ZNF814: variants seen among roughly 807,000 people sequenced by gnomAD.
ZNF814 encodes the protein zinc finger protein 814.
ZNF814 carries 5 observed loss-of-function variants against 7.5 expected under a neutral mutation model. The ratio of observed to expected loss-of-function variants is 0.67; its 90% confidence interval spans 0.35 to 1.40. The LOEUF (loss-of-function observed/expected upper bound fraction) is 1.40. Ranked by LOEUF, ZNF814 falls within the 40% of genes most tolerant of loss-of-function variation. ZNF814 has a pLI of 0.04. For synonymous variants in ZNF814, 315 were observed against 340.7 expected (o/e 0.92, Z 0.83); for missense variants, 962 against 1,018.0 (o/e 0.94, Z 0.75).
chr19:57,897,180 A>G, the ZNF814 span, among the ~76,000 whole-genome samples: 1 of 152,206 alleles, frequency 6.6e-6, no homozygotes, highest in African/African-American at 2.4e-5. Context: ...AGCTTCTTAC[A>G]TATGAAAATG....
intron 2 of ZNF814, 57 bp from the exon 3 acceptor site, chr19:57,875,283 C>A (rs12610589): frequency 0.28 from 445,159 of 1,574,898 alleles, 66,046 homozygotes; most frequent in East Asian, 0.55. Flanking sequence ...AAGGCACAGA[C>A]CACCCACAAG....
rs780816609 is a variant in ZNF814, at chr19:57,874,798, T to C, written c.592A>G (p.Asn198Asp). ...GGAGACACACACTCAGTTTTGCTGT[T>C]TGACTTCTCCCCAGTGTGACTGGCC... Reference protein sequence around the residue: ...QEASHTGEKSNSKTECVSPIQ... With the variant: ...QEASHTGEKSDSKTECVSPIQ... The change falls in exon 3 of 3, where the codon AAC (asparagine) becomes GAC (aspartate). Residue 198 changes from asparagine to aspartate, a missense_variant. Transcript: ENST00000435989. The C allele has an allele frequency of 2.5e-6, 4 of 1,614,000 alleles. No individual in the cohort carries two copies. The Admixed American group carries it at 6.7e-5, about 27-fold the overall frequency.
chr19:57,875,759 T>A (rs1472521969), intron 2 of ZNF814, among the ~76,000 whole-genome samples: 2 of 151,982 alleles, frequency 1.3e-5, no homozygotes, highest in African/African-American at 4.8e-5. Flanking sequence ...TACAAGTGGG[T>A]CAAAAGTTAA....
chr19:57,873,034 T>A lies in ZNF814; in HGVS notation c.2356A>T (p.Ser786Cys), dbSNP rs1295259094. The A allele has an allele frequency of 6.2e-7, 1 of 1,613,736 alleles. No homozygotes were observed. Among genetic ancestry groups the A allele is most frequent in the Admixed American group, 1.7e-5 (1 of 59,972 alleles). The part of the protein sequence containing the change: ...ECGKSFAESS[S>C]FTKHKRVHTG... ...TGAACTCTTTTGTGTTTTGTGAAAC[T>A]GGAGCTTTCAGCGAAAGATTTTCCA... is the stretch of plus-strand genomic sequence containing the variant. The change falls in exon 3 of 3, where the codon AGT becomes TGT. Residue 786 changes from serine (S) to cysteine (C), a missense_variant. Transcript: ENST00000435989.
At chr19:57,882,890 C>T (rs958919480) in intron 1 of ZNF814, among the ~76,000 whole-genome samples, 5 of 152,124 alleles carry the variant, frequency 3.3e-5, no homozygotes, top group Non-Finnish European at 5.9e-5. Flanking sequence ...TCCAGGAAAA[C>T]GTGACCTCAC....
rs1302926774 is a variant in ZNF814, at chr19:57,873,999, A to C, written c.1391T>G (p.Phe464Cys). 1 of 1,611,700 alleles carries C rather than the reference A, an allele frequency of 6.2e-7. No individual in the cohort carries two copies. The highest frequency in any genetic ancestry group is 1.1e-5 in the South Asian group (1 of 90,950). ...AGATTTCACACATTCTCCACACTTG[A>C]AAGGTCTTTCTCCGGCGTGAACTCG... ...HQRVHAGERP[F>C]KCGECVKSFS... The change falls in exon 3 of 3, where the codon TTC becomes TGC. Residue 464 changes from phenylalanine to cysteine, a missense_variant. Transcript: ENST00000435989.
chr19:57,880,079 G>T (rs959923071), intron 1 of ZNF814, among the ~76,000 whole-genome samples: 2 of 114,174 alleles, frequency 1.8e-5, no homozygotes, highest in African/African-American at 7.3e-5. Flanking sequence ...CCTGGTGACA[G>T]AACAAGACTC....
In ZNF814 at chr19:57,873,026, T is replaced by C. The variant is rs534434666; in HGVS notation, c.2364A>G (p.Thr788=). The change falls in exon 3 of 3, where the codon ACA becomes ACG. Residue 788 remains threonine (T), a synonymous_variant. Coordinates refer to ENST00000435989, the MANE Select transcript of ZNF814 (RefSeq NM_001144989.2). ...GKSFAESSSF[T]KHKRVHTGEK... ...CTCCAGTGTGAACTCTTTTGTGTTT[T>C]GTGAAACTGGAGCTTTCAGCGAAAG... 6.2e-7 allele frequency: 1 copy of C among 1,612,232 alleles called. No homozygotes were observed. Among genetic ancestry groups the C allele is most frequent in the South Asian group, 1.1e-5 (1 of 90,872 alleles).
In ZNF814 at chr19:57,870,560, C is replaced by G. The variant is rs2071549099; in HGVS notation, c.*2262G>C. The G allele has an allele frequency of 6.6e-6, 1 of 152,174 alleles. No individual in the cohort carries two copies. Among genetic ancestry groups the G allele is most frequent in the African/African-American group, 2.4e-5 (1 of 41,444 alleles). 9.4% of individuals were successfully genotyped at this position (152,174 alleles called of 1,614,324 possible). A position where few individuals can be genotyped will look rare whatever the true frequency, so the allele number is the denominator to read the frequency against. ...AGAATGAGTACAGGAATTCACAAAA[C>G]CTTTAGATTATTTCCTCTGACAATG... On this transcript the variant is annotated 3_prime_UTR_variant, in exon 3 of 3. Transcript: ENST00000435989.
chr19:57,872,885 T>C lies in ZNF814; in HGVS notation c.2505A>G (p.Lys835=), dbSNP rs763634924. 24 of 1,612,854 alleles carry C rather than the reference T, an allele frequency of 1.5e-5. 1 individual carries two copies. In the South Asian group the frequency reaches 2.3e-4, roughly 16 times the overall value. Residue 835 remains lysine, a synonymous_variant, in exon 3 of 3, where the codon AAA becomes AAG. Coordinates refer to ENST00000435989, the MANE Select transcript of ZNF814 (RefSeq NM_001144989.2). ...EKPYKCEKCG[K]LFNKKSHLLV... ...GGAGGTGAGACTTCTTGTTAAATAA[T>C]TTCCCACATTTCTCACATTTATAAG... is the stretch of plus-strand genomic sequence containing the variant.
rs111291730 is a variant in ZNF814 at position 57,874,619 on chromosome 19, C to T, written c.771G>A (p.Leu257=). The change falls in exon 3 of 3, where the codon TTG becomes TTA. Residue 257 remains leucine (L), a synonymous_variant. Transcript: ENST00000435989. ...CAGTGTGAACTCTCTGATGATTACT[C>T]AAGCTAGCATATTTGCTAAAGGACT... ...CGKSFSKYAS[L]SNHQRVHTEK... 3 of 1,552,648 alleles carry T rather than the reference C, an allele frequency of 1.9e-6. No individual in the cohort carries two copies. The Admixed American group carries it at 5.9e-5, about 30-fold the overall frequency.
the ZNF814 span, among the ~76,000 whole-genome samples, chr19:57,904,984 T>A: frequency 2.0e-5 from 3 of 146,460 alleles, no homozygotes; most frequent in Non-Finnish European, 4.5e-5. Context: ...GGGGCAGAAG[T>A]TGTGGTGAGC....
Position 57,888,879 on chromosome 19 carries a change from TG to T in ZNF814, c.-78del. ...GATATGGGCACGACGGTCCGTATCC[TG>T]GCCCAGGAGTGGGTCACGCTGGGCG... On this transcript the variant is annotated 5_prime_UTR_variant, in exon 1 of 3. Transcript: ENST00000435989. 1 of 1,512,658 alleles carries T rather than the reference TG, an allele frequency of 6.6e-7. No homozygotes were observed. Among genetic ancestry groups the T allele is most frequent in the Non-Finnish European group, 9.0e-7 (1 of 1,113,208 alleles). The allele number at this position is 1,512,658 out of a possible 1,614,324, so 93.7% of individuals were successfully genotyped here.
chr19:57,897,971 TCAG>T, the ZNF814 span, among the ~76,000 whole-genome samples: 1 of 152,206 alleles, frequency 6.6e-6, no homozygotes, highest in Admixed American at 6.5e-5. Context: ...TAGTACTAAC[TCAG>T]CAGGGAAAGC....
Position 57,872,514 on chromosome 19 carries a change from C to CT in ZNF814, c.*307dup. ...ATTTTATTTGTCTAGTGTGAACTCTCTGATATTCAAGGAGAAAAGACCTTC... is the reference window on the plus strand; with the variant it reads ...ATTTTATTTGTCTAGTGTGAACTCTCTTGATATTCAAGGAGAAAAGACCTTC... On this transcript the variant is annotated 3_prime_UTR_variant, in exon 3 of 3. Coordinates refer to ENST00000435989, the MANE Select transcript of ZNF814 (RefSeq NM_001144989.2). 1.6e-6 allele frequency: 1 copy of CT among 609,902 alleles called. No individual in the cohort carries two copies. Among genetic ancestry groups the CT allele is most frequent in the Non-Finnish European group, 2.8e-6 (1 of 352,896 alleles). The allele number at this position is 609,902 out of a possible 1,614,324, so 37.8% of individuals were successfully genotyped here. A position where few individuals can be genotyped will look rare whatever the true frequency, so the allele number is the denominator to read the frequency against.
At chr19:57,877,725 G>A (rs2071617621) in intron 1 of ZNF814, among the ~76,000 whole-genome samples, 3 of 152,126 alleles carry the variant, frequency 2.0e-5, no homozygotes, top group African/African-American at 2.4e-5. Context: ...ACAGGCATGA[G>A]GCACCGCGCC....
chr19:57,887,320 A>C (rs895621322), intron 1 of ZNF814, among the ~76,000 whole-genome samples: 4 of 152,246 alleles, frequency 2.6e-5, no homozygotes, highest in African/African-American at 9.6e-5. Context: ...CAGCAGCTCA[A>C]AACTCAGCAT....
chr19:57,890,740 C>T (rs1311812660), upstream of ZNF814, among the ~76,000 whole-genome samples: 9 of 152,076 alleles, frequency 5.9e-5, no homozygotes, highest in Non-Finnish European at 8.8e-5. Flanking sequence ...AGTCTTGTGG[C>T]CCCTGGCTGC....
At chr19:57,891,914 C>T (rs747198446), upstream of ZNF814, among the ~76,000 whole-genome samples, 6 of 151,992 alleles carry the variant, frequency 3.9e-5, no homozygotes, top group South Asian at 2.1e-4. Context: ...CCACTATGCC[C>T]GGCTAACTTT....
Sources: gnomAD v4.1 joint callset for allele counts (sites outside exome capture counted in the v4.1 genomes callset) on GRCh38, gnomAD v4.1.1 for gene constraint, MANE v1.5 for transcripts, NCBI Gene and HGNC (gene_info 2026-07-23, HGNC 2026-07-21) for gene names.